Variants in ZNF277 observed in about 807,000 individuals in gnomAD.
ZNF277 encodes zinc finger protein 277.
Under a neutral mutation model 60.7 loss-of-function variants are expected in ZNF277, and 55 were observed. The ratio of observed to expected loss-of-function variants is 0.91; its 90% CI spans 0.73 to 1.13. ZNF277 has a LOEUF of 1.13. Among genes scored for constraint, ZNF277 ranks in the 50% most tolerant of loss-of-function variants. ZNF277 has a pLI of 0.00. For missense variants in ZNF277, 510 were observed against 523.0 expected, an observed-to-expected ratio of 0.98 and a Z score of 0.24; for synonymous variants, 178 against 179.3, an observed-to-expected ratio of 0.99 and a Z score of 0.06.
At position 112,271,601 on chromosome 7, in the gene ZNF277, AC is replaced by A. The variant is rs1183457446; in HGVS notation, c.92-15271del. ...GCCCAAATCCTGATGGGTCCAAGTA[AC>A]TTGAAGAAAAAGGATTTATTAAATA... is the stretch of plus-strand genomic sequence containing the variant. On this transcript the variant is annotated intron_variant, in intron 1 of 11. Coordinates refer to ENST00000361822, the MANE Select transcript of ZNF277 (RefSeq NM_021994.3). 3.3e-5 allele frequency among the ~76,000 whole-genome samples: 5 copies of A among 152,342 alleles called. No individual in the cohort carries two copies. The East Asian group carries it at 9.6e-4, about 29-fold the overall frequency.
chr7:112,209,215 C>G (rs749018152), intron 1 of ZNF277, among the ~76,000 whole-genome samples: 3 of 151,900 alleles, frequency 2.0e-5, no homozygotes, highest in Admixed American at 6.6e-5. Flanking sequence ...TTGCAATGAA[C>G]AACTTTATGT....
Position 112,318,268 on chromosome 7 carries a change from A to G in ZNF277, c.552A>G (p.Gly184=). 1 of 1,612,768 alleles carries G rather than the reference A, an allele frequency of 6.2e-7. No individual in the cohort carries two copies. Among genetic ancestry groups the G allele is most frequent in the Non-Finnish European group, 8.5e-7 (1 of 1,178,878 alleles). The change falls in exon 5 of 12, where the codon GGA becomes GGG. Residue 184 remains glycine (G), a synonymous_variant. Coordinates refer to ENST00000361822, the MANE Select transcript of ZNF277 (RefSeq NM_021994.3). Reference sequence around the variant, plus strand: ...TGTTTTGCAATGAAGAATTCCTTGGAAACAGGTTTGCCATTTTGCATCTTT... The same window carrying G: ...TGTTTTGCAATGAAGAATTCCTTGGGAACAGGTTTGCCATTTTGCATCTTT... The part of the protein sequence containing the change: ...VCMFCNEEFL[G]NRSVILNHMA...
intron 5 of ZNF277, among the ~76,000 whole-genome samples, chr7:112,322,081 C>T (rs1792996174): frequency 6.6e-6 from 1 of 151,988 alleles, no homozygotes; most frequent in African/African-American, 2.4e-5. Flanking sequence ...AGATTCTTCC[C>T]CTGCCCCACC....
At chr7:112,298,584 A>G (rs572371929) in intron 4 of ZNF277, among the ~76,000 whole-genome samples, 1 of 152,316 alleles carries the variant, frequency 6.6e-6, no homozygotes, top group South Asian at 2.1e-4. Context: ...CTCATTGTCC[A>G]TCAGTGACAT....
chr7:112,268,068 A>G (rs1052552560), intron 1 of ZNF277, among the ~76,000 whole-genome samples: 1 of 152,190 alleles, frequency 6.6e-6, no homozygotes, highest in African/African-American at 2.4e-5. Flanking sequence ...AAGTGAATTT[A>G]ATTTTCCTAT....
chr7:112,301,249 T>C (rs901387668), intron 4 of ZNF277, among the ~76,000 whole-genome samples: 1 of 152,086 alleles, frequency 6.6e-6, no homozygotes, highest in African/African-American at 2.4e-5. Flanking sequence ...GAGATCCTCC[T>C]ACCTCAGCCT....
intron 1 of ZNF277, among the ~76,000 whole-genome samples, chr7:112,245,687 G>A (rs1275147361): frequency 1.3e-5 from 2 of 152,126 alleles, no homozygotes; most frequent in Non-Finnish European, 2.9e-5. Flanking sequence ...AACCTCTGCT[G>A]TCACCTTTAC....
At chr7:112,254,216 A>G (rs895561693) in intron 1 of ZNF277, among the ~76,000 whole-genome samples, 2 of 152,190 alleles carry the variant, frequency 1.3e-5, no homozygotes, top group Non-Finnish European at 2.9e-5. Context: ...CCCCACATTC[A>G]TATCACATGT....
At chr7:112,232,168 A>G (rs534232894) in intron 1 of ZNF277, among the ~76,000 whole-genome samples, 3 of 151,760 alleles carry the variant, frequency 2.0e-5, no homozygotes, top group African/African-American at 7.3e-5. Context: ...AAAAGTAGAT[A>G]ATGAGATCTA....
chr7:112,211,468 G>C (rs987973936), intron 1 of ZNF277, among the ~76,000 whole-genome samples: 1 of 152,176 alleles, frequency 6.6e-6, no homozygotes, highest in Admixed American at 6.5e-5. Flanking sequence ...TTGAGAACCA[G>C]TTGTATGTGT....
intron 1 of ZNF277, among the ~76,000 whole-genome samples, chr7:112,229,461 T>TAAC (rs1822265902): frequency 6.6e-6 from 1 of 152,224 alleles, no homozygotes; most frequent in Non-Finnish European, 1.5e-5. Context: ...CTGCATCTCA[T>TAAC]AACCAACTTA....
intron 1 of ZNF277, among the ~76,000 whole-genome samples, chr7:112,228,612 T>C (rs1274962613): frequency 1.3e-5 from 2 of 152,190 alleles, no homozygotes; most frequent in East Asian, 3.9e-4. Flanking sequence ...TGGAGCATAT[T>C]AAATATGCAT....
At chr7:112,215,647 T>C (rs1821860075) in intron 1 of ZNF277, among the ~76,000 whole-genome samples, 1 of 152,258 alleles carries the variant, frequency 6.6e-6, no homozygotes, top group African/African-American at 2.4e-5. Context: ...CTAAAGCTTT[T>C]ACATGTGTTT....
At chr7:112,286,758 CAT>C in intron 1 of ZNF277, 113 bp from the exon 2 acceptor site, 1 of 856,640 alleles carries the variant, frequency 1.2e-6, no homozygotes, top group Non-Finnish European at 1.8e-6. Flanking sequence ...TTTTTGGAGA[CAT>C]GTAAATATCT....
At chr7:112,245,034 A>C (rs1468754032) in intron 1 of ZNF277, among the ~76,000 whole-genome samples, 1 of 152,124 alleles carries the variant, frequency 6.6e-6, no homozygotes, top group African/African-American at 2.4e-5. Context: ...AGATCAAATT[A>C]TATATCTTTT....
At chr7:112,333,149 A>AT (rs199916784) in intron 7 of ZNF277, among the ~76,000 whole-genome samples, 30 of 149,154 alleles carry the variant, frequency 2.0e-4, no homozygotes, top group African/African-American at 7.5e-4. Context: ...ACAATACTTT[A>AT]TTTAAAAAAA....
At chr7:112,268,555 C>T (rs1413089877) in intron 1 of ZNF277, among the ~76,000 whole-genome samples, 1 of 151,624 alleles carries the variant, frequency 6.6e-6, no homozygotes, top group Non-Finnish European at 1.5e-5. Context: ...TTGGTAAACA[C>T]TAGAAATTTG....
chr7:112,334,291 G>T (rs1793285342), intron 7 of ZNF277, among the ~76,000 whole-genome samples: 1 of 151,842 alleles, frequency 6.6e-6, no homozygotes, highest in African/African-American at 2.4e-5. Context: ...GTTTGAGGGG[G>T]TGTCTGAACA....
chr7:112,212,167 C>T (rs1821766475), intron 1 of ZNF277, among the ~76,000 whole-genome samples: 1 of 152,168 alleles, frequency 6.6e-6, no homozygotes, highest in Non-Finnish European at 1.5e-5. Context: ...ATAATAATTA[C>T]ATTTTTTAAA....
Sources: allele counts gnomAD v4.1 joint callset (sites outside exome capture counted in the v4.1 genomes callset), GRCh38; gene constraint gnomAD v4.1.1; transcripts MANE v1.5; gene names NCBI Gene and HGNC (gene_info 2026-07-23, HGNC 2026-07-21).